Variants in TRIM2 observed in about 807,000 individuals in gnomAD.
TRIM2 encodes tripartite motif-containing protein 2.
Under a neutral mutation model 75.2 loss-of-function variants are expected in TRIM2, and 20 were observed. The ratio of observed to expected loss-of-function variants is 0.27; its 90% CI spans 0.19 to 0.39. The LOEUF (loss-of-function observed/expected upper bound fraction) is 0.39. Among genes scored for constraint, TRIM2 ranks in the 10% least tolerant of loss-of-function variants. TRIM2 has a pLI of 1.00. For synonymous variants in TRIM2, 373 were observed against 388.3 expected, an observed-to-expected ratio of 0.96 and a Z score of 0.46; for missense variants, 660 against 990.8, an observed-to-expected ratio of 0.67 and a Z score of 4.48.
At position 153,313,129 on chromosome 4, in the gene TRIM2, G is replaced by C. The variant is rs145998556; in HGVS notation, c.1511-2356G>C. The stretch of plus-strand genomic sequence containing the variant: ...ACCATGTTGGCACATATCCCCCTTC[G>C]AGGGCCAACCACTCCTTTCCTGCTC... On this transcript the variant is annotated intron_variant, in intron 6 of 11. Transcript: ENST00000338700. Among the ~76,000 whole-genome samples the C allele has an allele frequency of 6.6e-3, 1,004 of 152,084 alleles. 16 individuals carry two copies. The highest frequency in any genetic ancestry group is 0.023 in the African/African-American group (949 of 41,438).
intron 1 of TRIM2, among the ~76,000 whole-genome samples, chr4:153,174,506 A>AG (rs1366663300): frequency 6.6e-6 from 1 of 152,136 alleles, no homozygotes; most frequent in Non-Finnish European, 1.5e-5. Context: ...GCAAAGGAGC[A>AG]GGGCCTTTTT....
In TRIM2 at chr4:153,304,097, G is replaced by A. The variant is rs180868164; in HGVS notation, c.1510+8061G>A. Among the ~76,000 whole-genome samples the A allele has an allele frequency of 6.6e-5, 10 of 152,092 alleles. No homozygotes were observed. The East Asian group carries it at 1.7e-3, about 26-fold the overall frequency. On this transcript the variant is annotated intron_variant, in intron 6 of 11. Coordinates refer to ENST00000338700, the MANE Select transcript of TRIM2 (RefSeq NM_015271.5). ...AAGGAAGTTAAGGAAGGTTCCTAGA[G>A]ATGACTTTTTTTTTCTTTCTTTCTT...
chr4:153,218,745 TA>T (rs1739169057), intron 1 of TRIM2, among the ~76,000 whole-genome samples: 1 of 152,174 alleles, frequency 6.6e-6, no homozygotes, highest in Non-Finnish European at 1.5e-5. Context: ...CACTTGTATG[TA>T]TGACTTTCTT....
intron 1 of TRIM2, among the ~76,000 whole-genome samples, chr4:153,210,625 T>C (rs940349131): frequency 6.6e-6 from 1 of 152,228 alleles, no homozygotes; most frequent in Non-Finnish European, 1.5e-5. Flanking sequence ...TCTTGATTTG[T>C]GCTCTTCACT....
At chr4:153,303,942 G>A (rs1235660051) in intron 6 of TRIM2, among the ~76,000 whole-genome samples, 3 of 152,066 alleles carry the variant, frequency 2.0e-5, no homozygotes, top group Non-Finnish European at 2.9e-5. Context: ...TATAAAAGAC[G>A]ATGAGATGCT....
intron 1 of TRIM2, among the ~76,000 whole-genome samples, chr4:153,244,437 T>TCTTCTTC (rs1206105496): frequency 7.0e-4 from 72 of 102,466 alleles, no homozygotes; most frequent in Middle Eastern, 9.8e-3. Context: ...TTCTTCTTCT[T>TCTTCTTC]TTAATTAGAG....
chr4:153,325,008 G>T (rs1403089641), intron 10 of TRIM2, among the ~76,000 whole-genome samples: 1 of 152,204 alleles, frequency 6.6e-6, no homozygotes, highest in African/African-American at 2.4e-5. Context: ...AAGGAAAAAT[G>T]ATAAGGAAAC....
intron 1 of TRIM2, among the ~76,000 whole-genome samples, chr4:153,177,450 A>G (rs561143857): frequency 1.3e-5 from 2 of 152,272 alleles, no homozygotes; most frequent in East Asian, 3.9e-4. Context: ...GTTTGAGACC[A>G]GCCTGGCCAA....
chr4:153,335,760 T>G lies in TRIM2; in HGVS notation c.*794T>G, dbSNP rs936378907. ...AACTGCCCCGTTAACTCCAGATCATTGCACTGGAATGTAATCAAGAAAGTT... is the reference window on the plus strand; with the variant it reads ...AACTGCCCCGTTAACTCCAGATCATGGCACTGGAATGTAATCAAGAAAGTT... On this transcript the variant is annotated 3_prime_UTR_variant, in exon 12 of 12. Coordinates refer to ENST00000338700, the MANE Select transcript of TRIM2 (RefSeq NM_015271.5). 8 of 985,776 alleles carry G rather than the reference T, an allele frequency of 8.1e-6. No homozygotes were observed. The highest frequency in any genetic ancestry group is 1.7e-5 in the African/African-American group (1 of 57,246). 61.1% of individuals were successfully genotyped at this position (985,776 alleles called of 1,614,324 possible).
At position 153,293,116 on chromosome 4, in the gene TRIM2, G is replaced by T. The variant is rs1449311337; in HGVS notation, c.588G>T (p.Leu196=). The change falls in exon 4 of 12, where the codon CTG becomes CTT. Residue 196 remains leucine, a synonymous_variant. Transcript: ENST00000338700. The part of the protein sequence containing the change: ...EQHKASLQVQ[L]DAVNKRLPEI... ...ACAAGGCCTCGCTCCAGGTCCAGCT[G>T]GATGCTGTCAACAAAAGGTGGGGGA... 1.9e-6 allele frequency: 3 copies of T among 1,607,726 alleles called. No homozygotes were observed. Among genetic ancestry groups the T allele is most frequent in the Non-Finnish European group, 2.6e-6 (3 of 1,175,238 alleles).
intron 1 of TRIM2, among the ~76,000 whole-genome samples, chr4:153,196,324 G>A (rs1025225425): frequency 1.3e-5 from 2 of 151,930 alleles, no homozygotes; most frequent in East Asian, 3.9e-4. Flanking sequence ...GTAGTTCCAG[G>A]TACTCAGGAA....
At chr4:153,217,821 T>G (rs776599032) in intron 1 of TRIM2, among the ~76,000 whole-genome samples, 1 of 152,218 alleles carries the variant, frequency 6.6e-6, no homozygotes, top group African/African-American at 2.4e-5. Context: ...GAACCAAGAT[T>G]GAGAAAATTT....
intron 2 of TRIM2, among the ~76,000 whole-genome samples, chr4:153,273,226 C>A (rs957431836): frequency 6.7e-6 from 1 of 148,692 alleles, no homozygotes; most frequent in East Asian, 2.0e-4. Flanking sequence ...TCAGCCTCTG[C>A]TGGACATTCA....
chr4:153,337,297 A>G lies in TRIM2; in HGVS notation c.*2331A>G, dbSNP rs1047345739. On this transcript the variant is annotated 3_prime_UTR_variant, in exon 12 of 12. Transcript: ENST00000338700. ...TTTTTTTGCACAACATTTCAATTAT[A>G]TTTGTGAACTTAGAAATTAACTTAC... is the stretch of plus-strand genomic sequence containing the variant. The G allele has an allele frequency of 5.5e-5, 54 of 985,700 alleles. 2 individuals carry two copies. Among genetic ancestry groups the G allele is most frequent in the African/African-American group, 2.4e-4 (14 of 57,218 alleles). 61.1% of individuals were successfully genotyped at this position (985,700 alleles called of 1,614,324 possible).
At chr4:153,318,231 T>C (rs1320367055) in intron 8 of TRIM2, among the ~76,000 whole-genome samples, 1 of 152,234 alleles carries the variant, frequency 6.6e-6, no homozygotes, top group Non-Finnish European at 1.5e-5. Context: ...GTGTACTTAT[T>C]GGTTTCTTTC....
intron 7 of TRIM2, 60 bp from the exon 8 acceptor site, chr4:153,315,772 T>C: frequency 6.3e-7 from 1 of 1,591,628 alleles, no homozygotes; most frequent in East Asian, 2.2e-5. Context: ...TTTCTGCCTA[T>C]GCCTTCCTCA....
intron 1 of TRIM2, among the ~76,000 whole-genome samples, chr4:153,181,966 G>T (rs1732110332): frequency 6.6e-6 from 1 of 152,166 alleles, no homozygotes; most frequent in Non-Finnish European, 1.5e-5. Context: ...AAAAAGACGT[G>T]ACTGGGTCCT....
At chr4:153,304,299 A>G (rs531860771) in intron 6 of TRIM2, among the ~76,000 whole-genome samples, 1 of 152,074 alleles carries the variant, frequency 6.6e-6, no homozygotes, top group African/African-American at 2.4e-5. Flanking sequence ...TTTTCAGTAG[A>G]GATGGGCTTT....
chr4:153,302,893 C>T (rs1764211066), intron 6 of TRIM2, among the ~76,000 whole-genome samples: 1 of 152,164 alleles, frequency 6.6e-6, no homozygotes, highest in Admixed American at 6.5e-5. Context: ...CCAAAAAATA[C>T]ACAGAAGAAT....
Sources: allele counts gnomAD v4.1 joint callset (sites outside exome capture counted in the v4.1 genomes callset), GRCh38; gene constraint gnomAD v4.1.1; transcripts MANE v1.5; gene names NCBI Gene and HGNC (gene_info 2026-07-23, HGNC 2026-07-21).